The following CCDC150 variants were observed in gnomAD, a reference collection of about 807,000 sequenced individuals.
The protein encoded by CCDC150 is coiled-coil domain-containing protein 150.
Under a neutral mutation model 156.5 loss-of-function variants are expected in CCDC150, and 151 were observed. That is an observed-to-expected ratio of 0.97 (90% CI 0.85 to 1.10). The LOEUF is 1.10. Ranked by LOEUF, CCDC150 falls within the 50% of genes least tolerant of loss-of-function variation. CCDC150 has a pLI of 0.00. For missense variants in CCDC150, 1,312 were observed against 1,268.1 expected (o/e 1.03, Z -0.53); for synonymous variants, 452 against 429.4 (o/e 1.05, Z -0.65).
chr2:196,730,915 G>A lies in CCDC150; in HGVS notation c.3039G>A (p.Thr1013=), dbSNP rs770115854. The A allele has an allele frequency of 1.6e-5, 25 of 1,600,256 alleles. No homozygotes were observed. Among genetic ancestry groups the A allele is most frequent in the East Asian group, 9.0e-5 (4 of 44,472 alleles). Residue 1013 remains threonine (T), a synonymous_variant, in exon 26 of 28, where the codon ACG becomes ACA. Coordinates refer to ENST00000389175, the MANE Select transcript of CCDC150 (RefSeq NM_001080539.2). ...LKKCKEATEN[T]LKEASVESEQ... is the part of the protein sequence containing the mutation. ...AATGTAAAGAGGCAACAGAGAATAC[G>A]CTGAAAGAAGCCAGTGTGGAATCAG...
intron 17 of CCDC150, 22 bp downstream of exon 17, chr2:196,712,761 ACTT>A: frequency 6.3e-7 from 1 of 1,580,334 alleles, no homozygotes; most frequent in Non-Finnish European, 8.7e-7. Context: ...GAAAGTGCTT[ACTT>A]GTCAGCATGG....
intron 13 of CCDC150, among the ~76,000 whole-genome samples, chr2:196,684,270 A>G (rs986343780): frequency 6.6e-6 from 1 of 152,048 alleles, no homozygotes; most frequent in African/African-American, 2.4e-5. Context: ...GTTTATCTCA[A>G]ACTGTTCTTT....
Position 196,732,555 on chromosome 2 carries a change from G to A in CCDC150, c.3299G>A (p.Arg1100Lys), listed in dbSNP as rs1698582234. Residue 1100 changes from arginine (R) to lysine (K), a missense_variant, in exon 28 of 28, where the codon AGG (arginine) becomes AAG (lysine). Arg to Lys is a conservative substitution (Grantham distance 26). Coordinates refer to ENST00000389175, the MANE Select transcript of CCDC150 (RefSeq NM_001080539.2). ...MPKKYHSEVQRK is the reference protein window; with the variant it reads ...MPKKYHSEVQKK ...AAGAAGTATCATTCTGAGGTACAGA[G>A]GAAGTGATGTCCTTGACAAGGGAGC... is the stretch of plus-strand genomic sequence containing the variant. 1 of 1,602,986 alleles carries A rather than the reference G, an allele frequency of 6.2e-7. No homozygotes were observed. Among genetic ancestry groups the A allele is most frequent in the Non-Finnish European group, 8.5e-7 (1 of 1,170,088 alleles).
chr2:196,656,200 A>G (rs924996564), intron 2 of CCDC150, among the ~76,000 whole-genome samples: 1 of 152,104 alleles, frequency 6.6e-6, no homozygotes, highest in Non-Finnish European at 1.5e-5. Context: ...TAAAAGCCAC[A>G]CTGTGGGGAA....
chr2:196,641,541 T>C (rs1045148198), intron 1 of CCDC150, among the ~76,000 whole-genome samples: 7 of 152,204 alleles, frequency 4.6e-5, no homozygotes, highest in Admixed American at 1.3e-4. Flanking sequence ...TACCATGTTC[T>C]TTCCTATTTC....
chr2:196,692,121 A>ATTTT (rs1161513452), intron 13 of CCDC150, among the ~76,000 whole-genome samples: 11 of 62,004 alleles, frequency 1.8e-4, no homozygotes, highest in Admixed American at 6.6e-4. Flanking sequence ...TTGAGATCTA[A>ATTTT]TTTTTTTTTT....
chr2:196,726,560 T>C (rs1406239234), intron 22 of CCDC150: 2 of 155,526 alleles, frequency 1.3e-5, no homozygotes, highest in Admixed American at 1.3e-4. Flanking sequence ...GAGAACTTTC[T>C]TGGGTAGCAG....
At chr2:196,726,652 A>G (rs1559280810) in intron 22 of CCDC150, 1 of 154,488 alleles carries the variant, frequency 6.5e-6, no homozygotes, top group Non-Finnish European at 1.4e-5. Flanking sequence ...AGAGAGGCTT[A>G]ATGAGAGTAC....
intron 15 of CCDC150, among the ~76,000 whole-genome samples, chr2:196,710,571 C>A (rs756251550): frequency 6.6e-6 from 1 of 152,162 alleles, no homozygotes; most frequent in Non-Finnish European, 1.5e-5. Flanking sequence ...AGAAATCACC[C>A]GTCTTCTGTG....
chr2:196,717,101 G>T (rs1323919832), intron 17 of CCDC150, among the ~76,000 whole-genome samples: 3 of 151,740 alleles, frequency 2.0e-5, no homozygotes, highest in Non-Finnish European at 4.4e-5. Context: ...ACGTTGGCTA[G>T]GATGGTCTCC....
At chr2:196,667,201 A>G (rs1693901266) in intron 7 of CCDC150, 1 of 302,632 alleles carries the variant, frequency 3.3e-6, no homozygotes, top group African/African-American at 2.1e-5. Flanking sequence ...TAGTAAGGCC[A>G]TGAATCCTTG....
chr2:196,675,411 C>T (rs2125614048), intron 10 of CCDC150, among the ~76,000 whole-genome samples: 1 of 152,064 alleles, frequency 6.6e-6, no homozygotes, highest in Non-Finnish European at 1.5e-5. Flanking sequence ...CAATTGGGAT[C>T]CCATTTTACC....
At chr2:196,684,246 G>A (rs183318843) in intron 13 of CCDC150, among the ~76,000 whole-genome samples, 46 of 152,170 alleles carry the variant, frequency 3.0e-4, no homozygotes, top group African/African-American at 1.0e-3. Context: ...TTGTTATTTT[G>A]TGTTTTCATT....
chr2:196,713,195 C>A, intron 17 of CCDC150: 1 of 1,092,136 alleles, frequency 9.2e-7, no homozygotes, highest in Non-Finnish European at 1.2e-6. Context: ...TCATATTTTA[C>A]AGTGTGATCT....
At chr2:196,671,884 C>T (rs949078791) in intron 8 of CCDC150, among the ~76,000 whole-genome samples, 1 of 152,182 alleles carries the variant, frequency 6.6e-6, no homozygotes, top group Non-Finnish European at 1.5e-5. Context: ...TTTGTCTGGG[C>T]ATAGGTATTC....
chr2:196,724,279 GTAAAAAGAAGAAGAAA>G (rs1698086715), intron 21 of CCDC150, among the ~76,000 whole-genome samples: 1 of 149,732 alleles, frequency 6.7e-6, no homozygotes, highest in Admixed American at 6.6e-5. Flanking sequence ...TCTTACCTCA[GTAAAAAGAAGAAGAAA>G]GTAAGAGTTG....
chr2:196,662,444 A>G (rs1693609951), intron 5 of CCDC150, among the ~76,000 whole-genome samples: 1 of 152,186 alleles, frequency 6.6e-6, no homozygotes, highest in Admixed American at 6.5e-5. Context: ...ATCATCAGGC[A>G]TTAGTTAGAT....
At chr2:196,654,350 C>T (rs1332825355) in intron 2 of CCDC150, among the ~76,000 whole-genome samples, 2 of 151,598 alleles carry the variant, frequency 1.3e-5, no homozygotes, top group Non-Finnish European at 2.9e-5. Context: ...CTGTTCCTTT[C>T]ACTTTTCTTT....
At chr2:196,683,430 T>G (rs1694957165) in intron 13 of CCDC150, among the ~76,000 whole-genome samples, 3 of 152,068 alleles carry the variant, frequency 2.0e-5, no homozygotes, top group Non-Finnish European at 4.4e-5. Context: ...TTGTTAAGAT[T>G]TTTTGCATCT....
Sources: gnomAD v4.1 joint callset for allele counts (sites outside exome capture counted in the v4.1 genomes callset) on GRCh38, gnomAD v4.1.1 for gene constraint, MANE v1.5 for transcripts, NCBI Gene and HGNC (gene_info 2026-07-23, HGNC 2026-07-21) for gene names.